DCLK2: variants seen among roughly 807,000 people sequenced by gnomAD.
DCLK2 encodes the protein serine/threonine-protein kinase DCLK2.
Under a neutral mutation model 78.4 loss-of-function variants are expected in DCLK2, and 31 were observed. The observed-to-expected ratio is 0.40, with a 90% confidence interval of 0.30 to 0.53. The LOEUF is 0.53. Among genes scored for constraint, DCLK2 ranks in the 20% least tolerant of loss-of-function variants. DCLK2 has a pLI of 0.61. For synonymous variants in DCLK2, 407 were observed against 374.9 expected (o/e 1.09, Z -0.99); for missense variants, 872 against 973.7 (o/e 0.90, Z 1.39).
At chr4:150,240,129 AT>A (rs1706761630) in intron 11 of DCLK2, among the ~76,000 whole-genome samples, 1 of 152,136 alleles carries the variant, frequency 6.6e-6, no homozygotes, top group Non-Finnish European at 1.5e-5. Flanking sequence ...CAGGAAGCAG[AT>A]TTTATGCTTA....
At chr4:150,109,454 C>T (rs908492946) in intron 2 of DCLK2, among the ~76,000 whole-genome samples, 14 of 152,044 alleles carry the variant, frequency 9.2e-5, no homozygotes, top group African/African-American at 2.7e-4. Flanking sequence ...CCTGCCTCAG[C>T]CTTCCGAGTA....
chr4:150,139,336 G>A (rs72965579), intron 2 of DCLK2, among the ~76,000 whole-genome samples: 3,219 of 152,314 alleles, frequency 0.021, 93 homozygotes, highest in African/African-American at 0.069. Flanking sequence ...AAATGATCAC[G>A]TCTGAAGTGA....
rs1452076284 is a variant in DCLK2, at chr4:150,224,518, T to G, written c.1259T>G (p.Phe420Cys). The G allele has an allele frequency of 2.5e-6, 4 of 1,612,498 alleles. 1 individual carries two copies. Among genetic ancestry groups the G allele is most frequent in the Non-Finnish European group, 3.4e-6 (4 of 1,179,338 alleles). The stretch of plus-strand genomic sequence containing the variant: ...TTCCATAGGTCCACTGGAAAGGAGT[T>G]TGCCCTAAAGATTATAGACAAAGCC... ...ECIDRSTGKE[F>C]ALKIIDKAKC... The change falls in exon 8 of 16, where the codon TTT becomes TGT. Residue 420 changes from phenylalanine to cysteine, a missense_variant. Transcript: ENST00000296550.
intron 1 of DCLK2, among the ~76,000 whole-genome samples, chr4:150,085,800 A>C (rs1486431752): frequency 6.6e-6 from 1 of 152,048 alleles, no homozygotes; most frequent in African/African-American, 2.4e-5. Flanking sequence ...TGATGTCCTC[A>C]CCTCCAGAAC....
In DCLK2 at chr4:150,247,789, C is replaced by A. The variant is rs539244127; in HGVS notation, c.1875+90C>A. 1.1e-5 allele frequency: 11 copies of A among 979,924 alleles called. No individual in the cohort carries two copies. The African/African-American group carries it at 1.3e-4, about 12-fold the overall frequency. 60.7% of individuals were successfully genotyped at this position (979,924 alleles called of 1,614,324 possible). A position where few individuals can be genotyped will look rare whatever the true frequency, so the allele number is the denominator to read the frequency against. Reference sequence around the variant, plus strand: ...CTGTAGCTGCGCTAGGTATTGCATTCCAGAAAGCTCCTTGGCTTTTAATGT... The same window carrying A: ...CTGTAGCTGCGCTAGGTATTGCATTACAGAAAGCTCCTTGGCTTTTAATGT... On this transcript the variant is annotated intron_variant, in intron 13 of 15. Coordinates refer to ENST00000296550, the MANE Select transcript of DCLK2 (RefSeq NM_001040260.4).
chr4:150,133,490 A>G (rs1180967409), intron 2 of DCLK2, among the ~76,000 whole-genome samples: 2 of 152,244 alleles, frequency 1.3e-5, no homozygotes, highest in East Asian at 3.8e-4. Context: ...TCTGAAATGC[A>G]AAACCACCTA....
At chr4:150,229,181 A>T (rs905130384) in intron 8 of DCLK2, among the ~76,000 whole-genome samples, 1 of 152,056 alleles carries the variant, frequency 6.6e-6, no homozygotes, top group Admixed American at 6.5e-5. Context: ...TTCTGCAAAA[A>T]AATAATTAAC....
intron 5 of DCLK2, among the ~76,000 whole-genome samples, chr4:150,214,709 C>T (rs917126394): frequency 1.3e-5 from 2 of 152,072 alleles, no homozygotes; most frequent in Non-Finnish European, 2.9e-5. Flanking sequence ...CACCTGTAAA[C>T]TCAGCACTTT....
chr4:150,130,663 T>C (rs1048762617), intron 2 of DCLK2, among the ~76,000 whole-genome samples: 2 of 151,916 alleles, frequency 1.3e-5, no homozygotes, highest in Admixed American at 6.6e-5. Flanking sequence ...GAAAACTGCT[T>C]TGGGGTCATT....
At chr4:150,154,639 C>T (rs1421610544) in intron 2 of DCLK2, among the ~76,000 whole-genome samples, 6 of 152,180 alleles carry the variant, frequency 3.9e-5, no homozygotes, top group African/African-American at 1.4e-4. Flanking sequence ...CTAAAGGAAG[C>T]TAATGAACTA....
intron 2 of DCLK2, among the ~76,000 whole-genome samples, chr4:150,122,938 C>T (rs186805271): frequency 1.5e-4 from 23 of 152,258 alleles, no homozygotes; most frequent in Admixed American, 6.5e-4. Flanking sequence ...CTTCTGTGCC[C>T]GCATCAGGTA....
chr4:150,242,375 G>A (rs749237180), intron 12 of DCLK2, among the ~76,000 whole-genome samples: 8 of 152,182 alleles, frequency 5.3e-5, no homozygotes, highest in South Asian at 2.1e-4. Flanking sequence ...CCATCTGGCC[G>A]TCAACATCGT....
At position 150,247,515 on chromosome 4, in the gene DCLK2, C is replaced by G. The variant is rs974727084; in HGVS notation, c.1779-88C>G. ...GCCCAAGTCAAAGCCAGAGACTGGA[C>G]TCCTTTCCCCGCTCTTCCTGTGGAC... is the stretch of plus-strand genomic sequence containing the variant. On this transcript the variant is annotated intron_variant, in intron 12 of 15. Transcript: ENST00000296550. 7.4e-6 allele frequency: 8 copies of G among 1,079,808 alleles called. No individual in the cohort carries two copies. In the East Asian group the frequency reaches 2.0e-4, roughly 26 times the overall value. 66.9% of individuals were successfully genotyped at this position (1,079,808 alleles called of 1,614,324 possible).
intron 2 of DCLK2, among the ~76,000 whole-genome samples, chr4:150,134,076 CTTTTTTTTTTTTT>C (rs768954755): frequency 2.1e-5 from 2 of 94,852 alleles, no homozygotes; most frequent in Non-Finnish European, 4.0e-5. Context: ...CGTATAAACT[CTTTTTTTTTTTTT>C]TTTTTTTTTG....
intron 12 of DCLK2, among the ~76,000 whole-genome samples, chr4:150,246,328 T>C (rs1743304721): frequency 6.6e-6 from 1 of 152,154 alleles, no homozygotes; most frequent in African/African-American, 2.4e-5. Flanking sequence ...ATTACAGGCA[T>C]GAGCCATCAC....
Position 150,138,074 on chromosome 4 carries a change from GTAA to G in DCLK2, c.756+35267_756+35269del, listed in dbSNP as rs1207535197. 2.0e-5 allele frequency among the ~76,000 whole-genome samples: 3 copies of G among 152,176 alleles called. No homozygotes were observed. In the South Asian group the frequency reaches 6.2e-4, roughly 32 times the overall value. ...TTTTATCTCCACCTGTTCTTCATTTGTAATAATGTCTACCCTTCTGCAGAGGTT... is the reference window on the plus strand; with the variant it reads ...TTTTATCTCCACCTGTTCTTCATTTGTAATGTCTACCCTTCTGCAGAGGTT... On this transcript the variant is annotated intron_variant, in intron 2 of 15. Transcript: ENST00000296550.
chr4:150,108,145 C>A lies in DCLK2; in HGVS notation c.756+5333C>A, dbSNP rs551532092. 3.9e-5 allele frequency among the ~76,000 whole-genome samples: 6 copies of A among 152,202 alleles called. 1 individual carries two copies. The highest frequency in any genetic ancestry group is 6.8e-3 in the Middle Eastern group (2 of 294). ...GTAAAGAGGAGTCATGGTTATTCTC[C>A]ACTTAAAGTAATTTTATTTTAACTT... is the stretch of plus-strand genomic sequence containing the variant. On this transcript the variant is annotated intron_variant, in intron 2 of 15. Transcript: ENST00000296550.
intron 5 of DCLK2, among the ~76,000 whole-genome samples, chr4:150,219,072 C>T (rs569560283): frequency 1.3e-5 from 2 of 151,876 alleles, no homozygotes; most frequent in South Asian, 2.1e-4. Context: ...GGTGTGATGG[C>T]GTATACCTGT....
intron 2 of DCLK2, among the ~76,000 whole-genome samples, chr4:150,181,965 G>C (rs908230070): frequency 2.0e-5 from 3 of 151,992 alleles, no homozygotes; most frequent in Non-Finnish European, 2.9e-5. Flanking sequence ...TTATCTGGTT[G>C]TTGTCACTAG....
Sources: gnomAD v4.1 joint callset for allele counts (sites outside exome capture counted in the v4.1 genomes callset) on GRCh38, gnomAD v4.1.1 for gene constraint, MANE v1.5 for transcripts, NCBI Gene and HGNC (gene_info 2026-07-23, HGNC 2026-07-21) for gene names.